Variants in SYTL5 observed in about 807,000 individuals in gnomAD.
SYTL5 encodes synaptotagmin-like protein 5.
In SYTL5, 34 loss-of-function variants were observed where a neutral mutation model predicts 55.9. That is an observed-to-expected ratio of 0.61 (90% CI 0.46 to 0.81). The LOEUF (loss-of-function observed/expected upper bound fraction) is 0.81, where lower values mean the gene tolerates loss of function less well. Ranked by LOEUF, SYTL5 falls within the 30% of genes least tolerant of loss-of-function variation. The probability of loss-of-function intolerance (pLI) is 0.00; values close to 1 mark genes in which losing one functional copy is unlikely to be tolerated. For missense variants in SYTL5, 637 were observed against 546.7 expected, an observed-to-expected ratio of 1.17 and a Z score of -1.65; for synonymous variants, 221 against 188.7, an observed-to-expected ratio of 1.17 and a Z score of -1.40.
chrX:38,084,453 G>A (rs772988345), intron 6 of SYTL5, among the ~76,000 whole-genome samples: 2 of 111,940 alleles, frequency 1.8e-5, no homozygotes, highest in South Asian at 3.7e-4. Flanking sequence ...CTAAAAGCCC[G>A]GACTTGTGAC....
the SYTL5 span, among the ~76,000 whole-genome samples, chrX:37,967,718 A>C: frequency 1.8e-5 from 2 of 110,454 alleles, no homozygotes; most frequent in African/African-American, 6.6e-5. Flanking sequence ...GTTGTCTCAT[A>C]AGTCTCTTAA....
chrX:37,918,246 T>C, the SYTL5 span, among the ~76,000 whole-genome samples: 6 of 111,795 alleles, frequency 5.4e-5, no homozygotes, highest in Non-Finnish European at 1.1e-4. Context: ...ATGAAGCACA[T>C]AGAGGCTTGA....
chrX:38,034,961 T>G (rs1197927450), intron 2 of SYTL5, among the ~76,000 whole-genome samples: 1 of 112,416 alleles, frequency 8.9e-6, no homozygotes, highest in Non-Finnish European at 1.9e-5. Context: ...AATCAGAAGC[T>G]TATGTTTATT....
chrX:37,941,311 C>T, the SYTL5 span, among the ~76,000 whole-genome samples: 32 of 111,462 alleles, frequency 2.9e-4, no homozygotes, highest in Non-Finnish European at 5.7e-4. Flanking sequence ...TGGCTGATTA[C>T]AATTTTGGAG....
At chrX:38,029,055 G>C (rs1934871113) in intron 1 of SYTL5, among the ~76,000 whole-genome samples, 1 of 112,165 alleles carries the variant, frequency 8.9e-6, no homozygotes, top group African/African-American at 3.2e-5. Flanking sequence ...CATAAGGTAA[G>C]ATTCTTATAC....
At chrX:37,973,488 G>A in the SYTL5 span, among the ~76,000 whole-genome samples, 3 of 111,513 alleles carry the variant, frequency 2.7e-5, no homozygotes, top group Non-Finnish European at 5.6e-5. Flanking sequence ...TTTAATGAAA[G>A]AAGCTGCTGA....
the SYTL5 span, among the ~76,000 whole-genome samples, chrX:37,901,066 T>C: frequency 8.9e-6 from 1 of 112,141 alleles, no homozygotes; most frequent in African/African-American, 3.2e-5. Flanking sequence ...AGCATCCTGG[T>C]GCCAAAGTGG....
chrX:37,923,629 G>A, the SYTL5 span, among the ~76,000 whole-genome samples: 22 of 110,126 alleles, frequency 2.0e-4, no homozygotes, highest in African/African-American at 7.3e-4. Flanking sequence ...AAAGGTTAAA[G>A]GTCATGGAAC....
chrX:37,994,990 G>A, the SYTL5 span, among the ~76,000 whole-genome samples: 132 of 111,637 alleles, frequency 1.2e-3, 1 homozygote, highest in African/African-American at 4.0e-3. Context: ...TCCCCAGAGA[G>A]CTGAAGCGGG....
chrX:38,121,938 A>G, intron 14 of SYTL5, 142 bp from the exon 15 acceptor site: 1 of 522,590 alleles, frequency 1.9e-6, no homozygotes, highest in Non-Finnish European at 2.8e-6. Flanking sequence ...ATAAAAATAT[A>G]CAATAATGTA....
At chrX:38,005,809 G>A (rs1224442690), upstream of SYTL5, among the ~76,000 whole-genome samples, 2 of 111,769 alleles carry the variant, frequency 1.8e-5, no homozygotes, top group African/African-American at 6.5e-5. Context: ...CGATTCTCCA[G>A]GACACCACCT....
the SYTL5 span, among the ~76,000 whole-genome samples, chrX:37,958,534 G>A: frequency 0.29 from 32,097 of 110,515 alleles, 3,753 homozygotes; most frequent in East Asian, 0.6. Context: ...ACACACACAC[G>A]ACATTTAGGG....
chrX:37,980,889 C>T, the SYTL5 span, among the ~76,000 whole-genome samples: 5 of 112,011 alleles, frequency 4.5e-5, no homozygotes, highest in Non-Finnish European at 3.8e-5. Context: ...TGCATAGATT[C>T]TAATCCATGT....
chrX:38,041,575 A>G (rs1266988294), intron 2 of SYTL5, among the ~76,000 whole-genome samples: 1 of 112,440 alleles, frequency 8.9e-6, no homozygotes, highest in African/African-American at 3.2e-5. Context: ...TGAGTCACAG[A>G]AAAATGAACA....
chrX:37,968,275 A>G, the SYTL5 span, among the ~76,000 whole-genome samples: 3 of 111,411 alleles, frequency 2.7e-5, no homozygotes, highest in Non-Finnish European at 3.8e-5. Context: ...TTCATAAGAC[A>G]TTTAGGTAAA....
chrX:37,962,188 AC>A, the SYTL5 span, among the ~76,000 whole-genome samples: 1 of 110,641 alleles, frequency 9.0e-6, no homozygotes, highest in Non-Finnish European at 1.9e-5. Flanking sequence ...CTCGTCATTT[AC>A]ATTAGGTATA....
chrX:38,070,705 C>G (rs73632451), intron 3 of SYTL5, among the ~76,000 whole-genome samples: 8,975 of 110,940 alleles, frequency 0.081, 613 homozygotes, highest in South Asian at 0.21. Flanking sequence ...TTACATAGTC[C>G]TATTTACTAT....
At chrX:37,933,699 A>C in the SYTL5 span, among the ~76,000 whole-genome samples, 2 of 112,246 alleles carry the variant, frequency 1.8e-5, no homozygotes, top group Admixed American at 9.4e-5. Context: ...AATAACTGGA[A>C]AATGAAATGT....
chrX:37,932,829 C>T, the SYTL5 span, among the ~76,000 whole-genome samples: 8 of 111,629 alleles, frequency 7.2e-5, no homozygotes, highest in South Asian at 3.0e-3. Flanking sequence ...TTTTTTTACC[C>T]ACATGCCTAG....
Sources: allele counts gnomAD v4.1 joint callset (sites outside exome capture counted in the v4.1 genomes callset), GRCh38; gene constraint gnomAD v4.1.1; transcripts MANE v1.5; gene names NCBI Gene and HGNC (gene_info 2026-07-23, HGNC 2026-07-21).